PHC3: variants seen among roughly 807,000 people sequenced by gnomAD.
The protein encoded by PHC3 is polyhomeotic homolog 3, also known as polyhomeotic-like protein 3.
A neutral mutation model predicts 107.4 loss-of-function variants in PHC3; 13 were observed. That is an observed-to-expected ratio of 0.12 (90% CI 0.08 to 0.19). The LOEUF (loss-of-function observed/expected upper bound fraction) is 0.19. Ranked by LOEUF, PHC3 falls within the 10% of genes least tolerant of loss-of-function variation. The pLI is 1.00. For missense variants in PHC3, 992 were observed against 1,210.9 expected (o/e 0.82, Z 2.68); for synonymous variants, 456 against 427.4 (o/e 1.07, Z -0.83).
chr3:170,176,959 A>G (rs1246647480), intron 2 of PHC3: 1 of 450,752 alleles, frequency 2.2e-6, no homozygotes, highest in Admixed American at 2.4e-5. Context: ...CAAACAAAGT[A>G]TAATAGAGTG....
chr3:170,138,467 G>A (rs1223940809), intron 6 of PHC3, among the ~76,000 whole-genome samples: 9 of 152,010 alleles, frequency 5.9e-5, no homozygotes, highest in African/African-American at 1.9e-4. Flanking sequence ...TGAGGCAGGC[G>A]GATCACAAGG....
At chr3:170,126,113 A>G in intron 8 of PHC3, 1 of 266,116 alleles carries the variant, frequency 3.8e-6, no homozygotes, top group Non-Finnish European at 5.8e-6. Flanking sequence ...AAACATACTG[A>G]TTTTACTTTG....
intron 10 of PHC3, among the ~76,000 whole-genome samples, chr3:170,115,877 T>TCAAACACA (rs1553782584): frequency 6.7e-6 from 1 of 148,458 alleles, no homozygotes; most frequent in Admixed American, 6.7e-5. Flanking sequence ...TCCAAGTTTC[T>TCAAACACA]CACACACACA....
At chr3:170,134,891 A>C (rs900451919) in intron 7 of PHC3, among the ~76,000 whole-genome samples, 12 of 152,312 alleles carry the variant, frequency 7.9e-5, no homozygotes, top group African/African-American at 2.9e-4. Flanking sequence ...ACCAGAAGGG[A>C]CCATAAAAGT....
chr3:170,131,087 T>C (rs1416280197), intron 7 of PHC3, among the ~76,000 whole-genome samples: 1 of 146,612 alleles, frequency 6.8e-6, no homozygotes, highest in Non-Finnish European at 1.5e-5. Flanking sequence ...GAAATTAACA[T>C]CTGATTAACA....
At position 170,172,747 on chromosome 3, in the gene PHC3, A is replaced by C. The variant is rs1009672307; in HGVS notation, c.181-35T>G. 5 of 1,563,020 alleles carry C rather than the reference A, an allele frequency of 3.2e-6. No homozygotes were observed. In the African/African-American group the frequency reaches 4.1e-5, roughly 13 times the overall value. ...GTCAATTGAACCAATGTCAAACCAT[A>C]ATCTCAACCTTTATCTTAATCAGAA... On this transcript the variant is annotated intron_variant, in intron 2 of 14. Coordinates refer to ENST00000495893, the MANE Select transcript of PHC3 (RefSeq NM_024947.4).
At chr3:170,175,199 T>C (rs1730227615) in intron 2 of PHC3, among the ~76,000 whole-genome samples, 1 of 152,220 alleles carries the variant, frequency 6.6e-6, no homozygotes, top group African/African-American at 2.4e-5. Flanking sequence ...AATATTGATT[T>C]GATTTCATTT....
At chr3:170,118,138 C>T (rs900126393) in intron 9 of PHC3, among the ~76,000 whole-genome samples, 1 of 152,216 alleles carries the variant, frequency 6.6e-6, no homozygotes, top group African/African-American at 2.4e-5. Flanking sequence ...GCTATTAAAT[C>T]CCCTATGTTC....
chr3:170,161,367 CA>C (rs940262765), intron 4 of PHC3, among the ~76,000 whole-genome samples: 7 of 152,288 alleles, frequency 4.6e-5, no homozygotes, highest in Admixed American at 1.3e-4. Flanking sequence ...CAGTGGTCCC[CA>C]AACTTTCTGG....
rs1714302253 is a variant in PHC3 at position 170,093,324 on chromosome 3, A to G, written c.*3906T>C. ...TTGGAGCTAGAGGCCTTAGAGAGGT[A>G]GTGAGATGAGGCCCTTTCATGCCAT... On this transcript the variant is annotated 3_prime_UTR_variant, in exon 15 of 15. Transcript: ENST00000495893. 6.6e-6 allele frequency: 1 copy of G among 152,208 alleles called. No individual in the cohort carries two copies. The highest frequency in any genetic ancestry group is 2.4e-5 in the African/African-American group (1 of 41,458). The allele number at this position is 152,208 out of a possible 1,614,324, so 9.4% of individuals were successfully genotyped here. A position where few individuals can be genotyped will look rare whatever the true frequency, so the allele number is the denominator to read the frequency against.
At chr3:170,111,441 AAAGAG>A (rs543502833) in intron 11 of PHC3, among the ~76,000 whole-genome samples, 98 of 151,322 alleles carry the variant, frequency 6.5e-4, no homozygotes, top group Admixed American at 4.7e-3. Context: ...GAAAGAAAGG[AAAGAG>A]AAGAGAAGAG....
In PHC3 at chr3:170,092,190, G is replaced by C. The variant is rs1028621519; in HGVS notation, c.*5040C>G. The stretch of plus-strand genomic sequence containing the variant: ...AATTTTTGTGTTTTTAGTAGAGATA[G>C]GGTTTCACCATATTGGTCAGGCTGG... On this transcript the variant is annotated 3_prime_UTR_variant, in exon 15 of 15. Coordinates refer to ENST00000495893, the MANE Select transcript of PHC3 (RefSeq NM_024947.4). 6.6e-6 allele frequency: 1 copy of C among 152,058 alleles called. No individual in the cohort carries two copies. The highest frequency in any genetic ancestry group is 1.5e-5 in the Non-Finnish European group (1 of 68,028). 9.4% of individuals were successfully genotyped at this position (152,058 alleles called of 1,614,324 possible).
At position 170,091,070 on chromosome 3, in the gene PHC3, A is replaced by G. The variant is rs1366368725; in HGVS notation, c.*6160T>C. 1 of 152,170 alleles carries G rather than the reference A, an allele frequency of 6.6e-6. No homozygotes were observed. Among genetic ancestry groups the G allele is most frequent in the African/African-American group, 2.4e-5 (1 of 41,424 alleles). 9.4% of individuals were successfully genotyped at this position (152,170 alleles called of 1,614,324 possible). A position where few individuals can be genotyped will look rare whatever the true frequency, so the allele number is the denominator to read the frequency against. On this transcript the variant is annotated 3_prime_UTR_variant, in exon 15 of 15. Coordinates refer to ENST00000495893, the MANE Select transcript of PHC3 (RefSeq NM_024947.4). ...CTAGACACCCCACCACTCTCTCATA[A>G]ACACCAACTTTTTCACCACCATCAC...
intron 7 of PHC3, among the ~76,000 whole-genome samples, chr3:170,131,217 C>T (rs762726957): frequency 4.7e-5 from 7 of 149,892 alleles, no homozygotes; most frequent in Non-Finnish European, 7.4e-5. Flanking sequence ...TAGTACTTCA[C>T]ACTAAGACTG....
chr3:170,140,698 A>G (rs1268704156), intron 6 of PHC3, among the ~76,000 whole-genome samples: 1 of 139,302 alleles, frequency 7.2e-6, no homozygotes, highest in African/African-American at 2.7e-5. Context: ...GGTGCAAGCG[A>G]TTCTCCTGCC....
At position 170,092,300 on chromosome 3, in the gene PHC3, C is replaced by A. The variant is rs1374225619; in HGVS notation, c.*4930G>T. 1.3e-5 allele frequency: 2 copies of A among 151,946 alleles called. No homozygotes were observed. 9.4% of individuals were successfully genotyped at this position (151,946 alleles called of 1,614,324 possible). On this transcript the variant is annotated 3_prime_UTR_variant, in exon 15 of 15. Coordinates refer to ENST00000495893, the MANE Select transcript of PHC3 (RefSeq NM_024947.4). ...CAGGTGTGAGCCACCATGCCCAGCC[C>A]CAAATAATTTCTTTTAAGATATACA...
At chr3:170,105,759 G>A (rs1048471558) in intron 12 of PHC3, among the ~76,000 whole-genome samples, 10 of 152,114 alleles carry the variant, frequency 6.6e-5, no homozygotes, top group African/African-American at 2.4e-4. Flanking sequence ...TTTTTGAACA[G>A]AGAACCAATT....
At chr3:170,158,399 C>A (rs1727234367) in intron 4 of PHC3, among the ~76,000 whole-genome samples, 1 of 151,818 alleles carries the variant, frequency 6.6e-6, no homozygotes, top group South Asian at 2.1e-4. Flanking sequence ...GTCAGAAGTT[C>A]GAAACCAGCC....
At chr3:170,170,745 T>G (rs1159738878) in intron 4 of PHC3, 1 of 152,112 alleles carries the variant, frequency 6.6e-6, no homozygotes, top group Non-Finnish European at 1.5e-5. Context: ...GATACAGAAA[T>G]TTTTTTATTA....
Sources: gnomAD v4.1 joint callset for allele counts (sites outside exome capture counted in the v4.1 genomes callset) on GRCh38, gnomAD v4.1.1 for gene constraint, MANE v1.5 for transcripts, NCBI Gene and HGNC (gene_info 2026-07-23, HGNC 2026-07-21) for gene names.